KMT2C: variants seen among roughly 807,000 people sequenced by gnomAD.
The protein encoded by KMT2C is histone-lysine N-methyltransferase 2C.
KMT2C carries 88 observed loss-of-function variants against 507.9 expected under a neutral mutation model. That is an observed-to-expected ratio of 0.17 (90% CI 0.15 to 0.21). The LOEUF is 0.21. Ranked by LOEUF, KMT2C falls within the 10% of genes least tolerant of loss-of-function variation. KMT2C has a pLI of 1.00. For missense variants in KMT2C, 4,954 were observed against 5,957.8 expected (o/e 0.83, Z 5.55); for synonymous variants, 2,049 against 2,080.8 (o/e 0.98, Z 0.42).
chr7:152,204,899 A>C (rs1287053992), intron 25 of KMT2C, among the ~76,000 whole-genome samples: 1 of 152,068 alleles, frequency 6.6e-6, no homozygotes, highest in Non-Finnish European at 1.5e-5. Context: ...TCCTTATAAA[A>C]CCTGATTACT....
intron 1 of KMT2C, among the ~76,000 whole-genome samples, chr7:152,370,852 G>A (rs2097288625): frequency 6.6e-6 from 1 of 152,182 alleles, no homozygotes; most frequent in African/African-American, 2.4e-5. Context: ...TTTACATACA[G>A]TCTACATCTG....
chr7:152,205,255 T>C (rs1344992916), intron 24 of KMT2C, 30 bp from the exon 25 acceptor site: 2 of 1,601,076 alleles, frequency 1.2e-6, no homozygotes, highest in Admixed American at 3.3e-5. Context: ...GGTAAACTGA[T>C]AAGTAATTTC....
intron 7 of KMT2C, among the ~76,000 whole-genome samples, chr7:152,266,926 G>A (rs1374772987): frequency 1.3e-5 from 2 of 152,212 alleles, no homozygotes; most frequent in African/African-American, 4.8e-5. Flanking sequence ...ATGCCCATAG[G>A]AAACCCGATT....
rs2129098847 is a variant in KMT2C at position 152,154,432 on chromosome 7, A to G, written c.11974T>C (p.Cys3992Arg). Residue 3992 changes from cysteine to arginine, a missense_variant, in exon 47 of 59, where the codon TGT (cysteine) becomes CGT (arginine). Physicochemically the swap from Cys to Arg is radical, Grantham distance 180. This residue lies in a region of KMT2C where 104 missense variants were observed against 134.3 expected (regional missense o/e 0.77). Transcript: ENST00000262189. Reference sequence around the variant, plus strand: ...CTGTCAGGAGTATCTCGATCACCACAGTGATCCTGTATCCTGAAAAAACAT... The same window carrying G: ...CTGTCAGGAGTATCTCGATCACCACGGTGATCCTGTATCCTGAAAAAACAT... ...NQEELRIQDH[C>R]GDRDTPDSFV... The G allele has an allele frequency of 6.2e-7, 1 of 1,613,270 alleles. No homozygotes were observed. The highest frequency in any genetic ancestry group is 1.7e-4 in the Middle Eastern group (1 of 6,050).
chr7:152,162,780 CTCT>C lies in KMT2C; in HGVS notation c.10794_10796del (p.Glu3600del). 1 of 1,614,004 alleles carries C rather than the reference CTCT, an allele frequency of 6.2e-7. No individual in the cohort carries two copies. Among genetic ancestry groups the C allele is most frequent in the Non-Finnish European group, 8.5e-7 (1 of 1,179,996 alleles). ...TTGTTCTTTTCTTTTTCCCTTTTTC[CTCT>C]GGGATTATATCAGAATACAACTGAA... On this transcript the variant is annotated inframe_deletion, in exon 43 of 59. Coordinates refer to ENST00000262189, the MANE Select transcript of KMT2C (RefSeq NM_170606.3).
intron 26 of KMT2C, among the ~76,000 whole-genome samples, chr7:152,201,877 TAAAC>T (rs1470080222): frequency 1.3e-5 from 2 of 152,126 alleles, no homozygotes; most frequent in Non-Finnish European, 2.9e-5. Context: ...CAAGAGATGT[TAAAC>T]AGAACAAAAT....
intron 14 of KMT2C, among the ~76,000 whole-genome samples, chr7:152,239,605 A>G (rs2095347312): frequency 6.6e-6 from 1 of 152,204 alleles, no homozygotes; most frequent in Admixed American, 6.5e-5. Flanking sequence ...TATAACTAAA[A>G]CTAAAGCATT....
rs368909054 is a variant in KMT2C, at chr7:152,180,845, T to G, written c.7015A>C (p.Asn2339His). Reference protein sequence around the residue: ...GSEGSFCASSNSPMHSQGQQF... With the variant: ...GSEGSFCASSHSPMHSQGQQF... The stretch of plus-strand genomic sequence containing the variant: ...TGGCCTTGGGAGTGCATTGGAGAGT[T>G]TGAAGATGCACAGAAGCTCCCCTCT... The change falls in exon 36 of 59, where the codon AAC (asparagine) becomes CAC (histidine). Residue 2339 changes from asparagine (N) to histidine (H), a missense_variant. Around this residue, in one of 29 missense-constraint regions of KMT2C, gnomAD observed 1,689 missense variants for 1,654.3 expected, o/e 1.02. Transcript: ENST00000262189. 6.2e-6 allele frequency: 10 copies of G among 1,614,146 alleles called. No individual in the cohort carries two copies. The highest frequency in any genetic ancestry group is 8.5e-6 in the Non-Finnish European group (10 of 1,180,022).
At chr7:152,365,978 C>CA (rs1476813027) in intron 1 of KMT2C, among the ~76,000 whole-genome samples, 3 of 151,410 alleles carry the variant, frequency 2.0e-5, no homozygotes, top group African/African-American at 4.9e-5. Flanking sequence ...TACAAATGAC[C>CA]AAAAAAACAT....
intron 10 of KMT2C, 41 bp from the exon 11 acceptor site, chr7:152,252,131 G>A (rs142224698): frequency 3.4e-5 from 49 of 1,443,666 alleles, no homozygotes; most frequent in African/African-American, 2.3e-4. Flanking sequence ...TTCTAACATC[G>A]AGTTATTATC....
intron 6 of KMT2C, among the ~76,000 whole-genome samples, chr7:152,302,978 C>T (rs2096584260): frequency 6.6e-6 from 1 of 151,942 alleles, no homozygotes; most frequent in Non-Finnish European, 1.5e-5. Context: ...AATGATTAAA[C>T]ATTTGTAGCA....
At position 152,152,727 on chromosome 7, in the gene KMT2C, T is replaced by G. The variant is rs767723645; in HGVS notation, c.12504A>C (p.Val4168=). 2 of 1,614,162 alleles carry G rather than the reference T, an allele frequency of 1.2e-6. No individual in the cohort carries two copies. The highest frequency in any genetic ancestry group is 1.7e-6 in the Non-Finnish European group (2 of 1,180,022). ...CACCATTGCTTGTTGGAGGAAATGG[T>G]ACATTAGGCTGCTTCAGCCGGTAAG... is the stretch of plus-strand genomic sequence containing the variant. ...VSSYRLKQPN[V]PFPPTSNGLS... The change falls in exon 49 of 59, where the codon GTA becomes GTC. Residue 4168 remains valine, a synonymous_variant. Transcript: ENST00000262189.
chr7:152,176,041 TCAAAA>T (rs1472760708), intron 38 of KMT2C, 145 bp downstream of exon 38: 1 of 891,186 alleles, frequency 1.1e-6, no homozygotes, highest in African/African-American at 1.7e-5. Flanking sequence ...AGACTCCGTC[TCAAAA>T]CAAAACAAAC....
intron 1 of KMT2C, among the ~76,000 whole-genome samples, chr7:152,410,802 G>A (rs1589827814): frequency 1.3e-5 from 2 of 151,828 alleles, no homozygotes; most frequent in African/African-American, 4.8e-5. Flanking sequence ...CTCGAGGTCA[G>A]CCTGGGCAAC....
In KMT2C at chr7:152,357,146, G is replaced by A. The variant is rs556572971; in HGVS notation, c.250+1441C>T. Among the ~76,000 whole-genome samples the A allele has an allele frequency of 8.6e-5, 13 of 151,856 alleles. No homozygotes were observed. The South Asian group carries it at 2.3e-3, about 27-fold the overall frequency. ...GAGGCTGAGGCAGGGAGAACTGCAT[G>A]AGCCCGGCGGGTGGAGGTTGCAGTG... On this transcript the variant is annotated intron_variant, in intron 2 of 58. Coordinates refer to ENST00000262189, the MANE Select transcript of KMT2C (RefSeq NM_170606.3).
intron 7 of KMT2C, among the ~76,000 whole-genome samples, chr7:152,266,919 C>A (rs1180009820): frequency 6.6e-6 from 1 of 152,230 alleles, no homozygotes; most frequent in Non-Finnish European, 1.5e-5. Context: ...GTTGCCAATG[C>A]CCATAGGAAA....
At position 152,248,329 on chromosome 7, in the gene KMT2C, G is replaced by A. The variant is rs2129164254; in HGVS notation, c.2105C>T (p.Pro702Leu). Reference protein sequence around the residue: ...VTLPLETLVSPHEESISLCPE... With the variant: ...VTLPLETLVSLHEESISLCPE... The stretch of plus-strand genomic sequence containing the variant: ...ACATAATGAAATACTTTCCTCATGT[G>A]GGGACACTAAGGTTTCTAGTGGAAG... The change falls in exon 14 of 59, where the codon CCA (proline) becomes CTA (leucine). Residue 702 changes from proline to leucine, a missense_variant. Transcript: ENST00000262189. 4 of 1,613,774 alleles carry A rather than the reference G, an allele frequency of 2.5e-6. No homozygotes were observed. In the South Asian group the frequency reaches 4.4e-5, roughly 18 times the overall value.
At chr7:152,337,805 T>TCA (rs1216146271) in intron 2 of KMT2C, among the ~76,000 whole-genome samples, 1 of 151,754 alleles carries the variant, frequency 6.6e-6, no homozygotes, top group Non-Finnish European at 1.5e-5. Context: ...CTATCTACAT[T>TCA]CACACACTAT....
chr7:152,252,680 A>C lies in KMT2C; in HGVS notation c.1335T>G (p.Ser445=), dbSNP rs144822929. The C allele has an allele frequency of 2.5e-6, 4 of 1,613,488 alleles. No homozygotes were observed. The African/African-American group carries it at 5.3e-5, about 22-fold the overall frequency. The change falls in exon 10 of 59, where the codon TCT becomes TCG. Residue 445 remains serine (S), a synonymous_variant. Coordinates refer to ENST00000262189, the MANE Select transcript of KMT2C (RefSeq NM_170606.3). ...CRICIECGTR[S]SSQWHHNCLI... ...GGCAATTGTGGTGCCACTGAGAACT[A>C]GACCGTGTGCCACACTCTATACATA... is the stretch of plus-strand genomic sequence containing the variant.
Sources: allele counts gnomAD v4.1 joint callset (sites outside exome capture counted in the v4.1 genomes callset), GRCh38; gene constraint gnomAD v4.1.1; regional missense constraint gnomAD v4.1.1; transcripts MANE v1.5; gene names NCBI Gene and HGNC (gene_info 2026-07-23, HGNC 2026-07-21).